The following PDE10A variants were observed in gnomAD, a reference collection of about 807,000 sequenced individuals.
PDE10A encodes the protein phosphodiesterase 10A, also known as cAMP and cAMP-inhibited cGMP 3',5'-cyclic phosphodiesterase 10A.
In PDE10A, 39 loss-of-function variants were observed where a neutral mutation model predicts 97.7. The ratio of observed to expected loss-of-function variants is 0.40; its 90% CI spans 0.31 to 0.52. The LOEUF (loss-of-function observed/expected upper bound fraction) is 0.52, where lower values mean the gene tolerates loss of function less well. Ranked by LOEUF, PDE10A falls within the 20% of genes least tolerant of loss-of-function variation. The pLI is 0.56. For missense variants in PDE10A, 731 were observed against 1,047.8 expected, an observed-to-expected ratio of 0.70 and a Z score of 4.17; for synonymous variants, 371 against 376.8, an observed-to-expected ratio of 0.98 and a Z score of 0.18.
chr6:165,717,484 G>A (rs1352007565), intron 1 of PDE10A, among the ~76,000 whole-genome samples: 6 of 152,058 alleles, frequency 3.9e-5, no homozygotes, highest in South Asian at 4.2e-4. Flanking sequence ...CTCGGGAAGC[G>A]GAGACAGGAG....
intron 1 of PDE10A, among the ~76,000 whole-genome samples, chr6:165,636,108 T>A (rs1562648151): frequency 6.6e-6 from 1 of 152,202 alleles, no homozygotes; most frequent in Non-Finnish European, 1.5e-5. Context: ...AAACAGACAT[T>A]TACATTTACA....
At chr6:165,836,345 G>A (rs1186540214) in intron 1 of PDE10A, among the ~76,000 whole-genome samples, 3 of 152,188 alleles carry the variant, frequency 2.0e-5, no homozygotes, top group Admixed American at 6.5e-5. Flanking sequence ...CACTATGTTC[G>A]TTTTGAAAAG....
At chr6:165,457,225 T>A (rs111946409) in intron 3 of PDE10A, among the ~76,000 whole-genome samples, 20 of 152,342 alleles carry the variant, frequency 1.3e-4, no homozygotes, top group African/African-American at 4.8e-4. Context: ...CTTGTATTTT[T>A]ACAGCATTTT....
At chr6:165,343,296 A>G in intron 19 of PDE10A, 95 bp downstream of exon 19, 1 of 851,574 alleles carries the variant, frequency 1.2e-6, no homozygotes, top group South Asian at 1.4e-5. Context: ...CTCTGAAATA[A>G]CTATCAACAT....
chr6:165,333,151 A>G (rs776169170), intron 21 of PDE10A, 24 bp from the exon 22 acceptor site: 1 of 1,355,242 alleles, frequency 7.4e-7, no homozygotes, highest in Non-Finnish European at 1.1e-6. Flanking sequence ...ATGCAGTTTC[A>G]GGAGAAGCTG....
chr6:165,408,239 C>T (rs188797655), intron 13 of PDE10A, among the ~76,000 whole-genome samples: 7 of 152,316 alleles, frequency 4.6e-5, no homozygotes, highest in Non-Finnish European at 1.0e-4. Flanking sequence ...GCACTTCATG[C>T]TGCACAAAGA....
At chr6:165,486,598 C>T (rs963696641) in intron 2 of PDE10A, among the ~76,000 whole-genome samples, 4 of 152,154 alleles carry the variant, frequency 2.6e-5, no homozygotes, top group African/African-American at 7.2e-5. Flanking sequence ...CACGTCTGTT[C>T]GCACAGCTCT....
intron 1 of PDE10A, among the ~76,000 whole-genome samples, chr6:165,842,894 C>T (rs1191917284): frequency 6.6e-6 from 1 of 152,242 alleles, no homozygotes. Context: ...TCGGACTAAC[C>T]TCGCACAGTT....
chr6:165,946,453 C>T (rs1467450961), intron 1 of PDE10A, among the ~76,000 whole-genome samples: 2 of 151,274 alleles, frequency 1.3e-5, no homozygotes, highest in Non-Finnish European at 2.9e-5. Flanking sequence ...GAGATTGCGC[C>T]ACTGCACTCC....
intron 1 of PDE10A, among the ~76,000 whole-genome samples, chr6:165,958,072 A>G (rs1040778176): frequency 5.3e-5 from 8 of 152,170 alleles, no homozygotes; most frequent in Non-Finnish European, 1.2e-4. Context: ...CCTTCCCAGA[A>G]TGAGAACTCA....
chr6:165,676,473 A>T (rs1305274661), intron 1 of PDE10A, among the ~76,000 whole-genome samples: 1 of 151,934 alleles, frequency 6.6e-6, no homozygotes, highest in Non-Finnish European at 1.5e-5. Context: ...GAGGTGGGTC[A>T]GGGTGCTGGG....
At chr6:165,631,869 A>C (rs1788646255) in intron 1 of PDE10A, among the ~76,000 whole-genome samples, 1 of 152,186 alleles carries the variant, frequency 6.6e-6, no homozygotes, top group Non-Finnish European at 1.5e-5. Context: ...CTATTCCTCA[A>C]GGTGACAGTG....
chr6:165,430,003 G>A (rs908912073), intron 9 of PDE10A, among the ~76,000 whole-genome samples: 2 of 152,062 alleles, frequency 1.3e-5, no homozygotes, highest in Non-Finnish European at 2.9e-5. Context: ...TGCATAAATA[G>A]AGATATTTAG....
At chr6:165,710,979 C>A (rs905281651) in intron 1 of PDE10A, among the ~76,000 whole-genome samples, 3 of 152,226 alleles carry the variant, frequency 2.0e-5, no homozygotes, top group Admixed American at 1.3e-4. Flanking sequence ...GCAGACCATC[C>A]CCGTGGGAGG....
chr6:165,850,661 G>A (rs1025512284), intron 1 of PDE10A, among the ~76,000 whole-genome samples: 3 of 152,168 alleles, frequency 2.0e-5, no homozygotes, highest in African/African-American at 4.8e-5. Flanking sequence ...GGCTGGCTGG[G>A]AAGGCAGCGC....
intron 3 of PDE10A, among the ~76,000 whole-genome samples, chr6:165,468,230 C>T (rs1778773693): frequency 6.6e-6 from 1 of 151,982 alleles, no homozygotes; most frequent in South Asian, 2.1e-4. Flanking sequence ...AGGTGCCTAC[C>T]ACCATGCTAG....
chr6:165,461,819 CCTGGAAAGAAG>C, intron 3 of PDE10A, among the ~76,000 whole-genome samples: 1 of 152,242 alleles, frequency 6.6e-6, no homozygotes, highest in East Asian at 1.9e-4. Flanking sequence ...TACAGCACTA[CCTGGAAAGAAG>C]CTAAAAATAT....
chr6:165,599,270 G>A (rs1043466557), intron 1 of PDE10A, among the ~76,000 whole-genome samples: 2 of 152,178 alleles, frequency 1.3e-5, no homozygotes, highest in Admixed American at 6.5e-5. Flanking sequence ...GACACAAAAC[G>A]TAAGCCTTCA....
intron 10 of PDE10A, among the ~76,000 whole-genome samples, chr6:165,426,050 T>A (rs2128235369): frequency 6.6e-6 from 1 of 152,128 alleles, no homozygotes; most frequent in South Asian, 2.1e-4. Flanking sequence ...AAGATCTAGA[T>A]AAATGGAAAA....
Sources: gnomAD v4.1 joint callset for allele counts (sites outside exome capture counted in the v4.1 genomes callset) on GRCh38, gnomAD v4.1.1 for gene constraint, MANE v1.5 for transcripts, NCBI Gene and HGNC (gene_info 2026-07-23, HGNC 2026-07-21) for gene names.